The following MROH7 variants were observed in gnomAD, a reference collection of about 807,000 sequenced individuals.
MROH7 encodes the protein maestro heat like repeat family member 7.
Under a neutral mutation model 129.2 loss-of-function variants are expected in MROH7, and 113 were observed. The ratio of observed to expected loss-of-function variants is 0.87; its 90% confidence interval spans 0.75 to 1.02. MROH7 has a LOEUF of 1.02. Ranked by LOEUF, MROH7 falls within the 50% of genes least tolerant of loss-of-function variation. The pLI is 0.00. For synonymous variants in MROH7, 655 were observed against 667.9 expected (o/e 0.98, Z 0.30); for missense variants, 1,601 against 1,671.3 (o/e 0.96, Z 0.73).
chr1:54,673,319 C>T, intron 8 of MROH7, 133 bp downstream of exon 8: 1 of 678,210 alleles, frequency 1.5e-6, no homozygotes, highest in South Asian at 1.8e-5. Context: ...AGTGTTCTGC[C>T]TCCCTGTCTG....
intron 1 of MROH7, among the ~76,000 whole-genome samples, chr1:54,644,760 G>A (rs1478976472): frequency 6.7e-6 from 1 of 150,288 alleles, no homozygotes; most frequent in East Asian, 1.9e-4. Flanking sequence ...CTCCCAAAGT[G>A]CTGGGCTTAT....
chr1:54,643,365 G>A (rs150631368), intron 1 of MROH7, among the ~76,000 whole-genome samples: 1 of 152,316 alleles, frequency 6.6e-6, no homozygotes, highest in East Asian at 1.9e-4. Context: ...CAAGGCAAGA[G>A]GGAGGCCAAA....
At chr1:54,682,580 TC>T in intron 13 of MROH7, 75 bp from the exon 14 acceptor site, 1 of 1,487,178 alleles carries the variant, frequency 6.7e-7, no homozygotes, top group Non-Finnish European at 9.1e-7. Flanking sequence ...ACCTTCCCCC[TC>T]CCAAAACCAT....
chr1:54,677,961 A>T (rs889909784), intron 10 of MROH7, among the ~76,000 whole-genome samples: 4 of 152,202 alleles, frequency 2.6e-5, no homozygotes, highest in African/African-American at 9.7e-5. Context: ...AAAAGTAGAA[A>T]AGGATTGGTA....
chr1:54,692,525 T>C lies in MROH7; in HGVS notation c.2813T>C (p.Val938Ala), dbSNP rs955429498. The change falls in exon 16 of 24, where the codon GTG becomes GCG. Residue 938 changes from valine to alanine, a missense_variant. Coordinates refer to ENST00000421030, the MANE Select transcript of MROH7 (RefSeq NM_001039464.4). ...GGTGGCTGGGAGCTCATGGAGCAGG[T>C]GGAGAGCCACCACCGCGGAGTGGCC... ...DQGGWELMEQ[V>A]ESHHRGVALL... 2 of 1,610,796 alleles carry C rather than the reference T, an allele frequency of 1.2e-6. No homozygotes were observed. The highest frequency in any genetic ancestry group is 1.7e-6 in the Non-Finnish European group (2 of 1,178,526).
At chr1:54,706,758 T>C (rs1645540948) in intron 22 of MROH7, among the ~76,000 whole-genome samples, 2 of 152,298 alleles carry the variant, frequency 1.3e-5, no homozygotes, top group African/African-American at 4.8e-5. Context: ...CTGAAGTCTT[T>C]GTGCAGGTCA....
chr1:54,661,013 T>C (rs1644724079), intron 3 of MROH7, among the ~76,000 whole-genome samples: 1 of 149,940 alleles, frequency 6.7e-6, no homozygotes, highest in Non-Finnish European at 1.5e-5. Context: ...TTTTGTGCTT[T>C]TTTTTTTTTT....
intron 15 of MROH7, among the ~76,000 whole-genome samples, chr1:54,688,138 T>C (rs1056187561): frequency 3.3e-5 from 5 of 150,806 alleles, no homozygotes; most frequent in African/African-American, 1.2e-4. Context: ...GAGAATTGCT[T>C]GAACCTGGGA....
intron 3 of MROH7, among the ~76,000 whole-genome samples, chr1:54,657,106 G>A (rs913080177): frequency 3.4e-5 from 5 of 146,968 alleles, no homozygotes; most frequent in African/African-American, 1.0e-4. Context: ...GGAGTACAGT[G>A]TCATGATCTT....
At position 54,652,969 on chromosome 1, in the gene MROH7, C is replaced by T. The variant is rs771543965; in HGVS notation, c.43C>T (p.Pro15Ser). 1.9e-6 allele frequency: 3 copies of T among 1,612,258 alleles called. No homozygotes were observed. In the East Asian group the frequency reaches 6.7e-5, roughly 36 times the overall value. ...GGCTAACCTGGTCTTCCATGAAGACCCAAAGATGACACCAAGTCCCCCCTC... is the reference window on the plus strand; with the variant it reads ...GGCTAACCTGGTCTTCCATGAAGACTCAAAGATGACACCAAGTCCCCCCTC... ...PGANLVFHEDPKMTPSPPSCG... is the reference protein window; with the variant it reads ...PGANLVFHEDSKMTPSPPSCG... Residue 15 changes from proline to serine, a missense_variant, in exon 3 of 24, where the codon CCA (proline) becomes TCA (serine). Coordinates refer to ENST00000421030, the MANE Select transcript of MROH7 (RefSeq NM_001039464.4).
intron 14 of MROH7, 41 bp downstream of exon 14, chr1:54,682,835 G>A (rs1249223444): frequency 4.4e-6 from 7 of 1,592,820 alleles, no homozygotes; most frequent in Non-Finnish European, 6.0e-6. Context: ...TGCCTGTCCT[G>A]CCCTTCCTCT....
Position 54,710,037 on chromosome 1 carries a change from C to T in MROH7, c.3822C>T (p.Asn1274=). ...ACATCCTGGCCAGCTGCTGGCAGAA[C>T]TCCTGGCTGCCGCACGGGAACTCAT... ...QDHILASCWQ[N]SWLPHGNSWV... Residue 1274 remains asparagine (N), a synonymous_variant, in exon 24 of 24, where the codon AAC becomes AAT. Transcript: ENST00000421030. 1 of 1,614,172 alleles carries T rather than the reference C, an allele frequency of 6.2e-7. No homozygotes were observed. Among genetic ancestry groups the T allele is most frequent in the South Asian group, 1.1e-5 (1 of 91,086 alleles).
At position 54,692,496 on chromosome 1, in the gene MROH7, C is replaced by G. The variant is rs778345436; in HGVS notation, c.2784C>G (p.Asp928Glu). The change falls in exon 16 of 24, where the codon GAC becomes GAG. Residue 928 changes from aspartate (D) to glutamate (E), a missense_variant. Transcript: ENST00000421030. ...GCSYETTFLE[D>E]QGGWELMEQV... is the part of the protein sequence containing the mutation. ...CTTATGAGACCACGTTTCTGGAGGACCAGGGTGGCTGGGAGCTCATGGAGC... is the reference window on the plus strand; with the variant it reads ...CTTATGAGACCACGTTTCTGGAGGAGCAGGGTGGCTGGGAGCTCATGGAGC... 6 of 1,613,922 alleles carry G rather than the reference C, an allele frequency of 3.7e-6. No individual in the cohort carries two copies. In the South Asian group the frequency reaches 6.6e-5, roughly 18 times the overall value.
chr1:54,680,800 C>A lies in MROH7; in HGVS notation c.2381+755C>A, dbSNP rs141418082. Reference sequence around the variant, plus strand: ...TTGAGAGCCAAAGAACTGTGCAGAGCTGTGCAAATGGGGTGTGCTCCAATA... The same window carrying A: ...TTGAGAGCCAAAGAACTGTGCAGAGATGTGCAAATGGGGTGTGCTCCAATA... On this transcript the variant is annotated intron_variant, in intron 13 of 23. Coordinates refer to ENST00000421030, the MANE Select transcript of MROH7 (RefSeq NM_001039464.4). Among the ~76,000 whole-genome samples, 10 of 152,326 alleles carry A rather than the reference C, an allele frequency of 6.6e-5. No homozygotes were observed. The East Asian group carries it at 1.2e-3, about 18-fold the overall frequency.
chr1:54,647,503 GC>G (rs1304318930), intron 1 of MROH7, among the ~76,000 whole-genome samples: 2 of 152,124 alleles, frequency 1.3e-5, no homozygotes, highest in Admixed American at 6.5e-5. Context: ...ACCTTCGCAG[GC>G]CAAGGTGGGT....
intron 3 of MROH7, among the ~76,000 whole-genome samples, chr1:54,661,571 ATAT>A (rs972431442): frequency 4.6e-5 from 6 of 131,152 alleles, no homozygotes; most frequent in African/African-American, 1.6e-4. Context: ...GTACTTAAAA[ATAT>A]TATTTGTTTG....
At chr1:54,682,313 C>A (rs1314084080) in intron 13 of MROH7, among the ~76,000 whole-genome samples, 1 of 151,940 alleles carries the variant, frequency 6.6e-6, no homozygotes, top group Non-Finnish European at 1.5e-5. Flanking sequence ...TACAGGCATG[C>A]ACCACCATGC....
chr1:54,705,982 C>T (rs1244537455), intron 21 of MROH7, among the ~76,000 whole-genome samples: 1 of 152,176 alleles, frequency 6.6e-6, no homozygotes, highest in African/African-American at 2.4e-5. Flanking sequence ...TTCTCACTGT[C>T]CTATTAAGAG....
At chr1:54,657,002 C>A (rs952372317) in intron 3 of MROH7, among the ~76,000 whole-genome samples, 1 of 150,428 alleles carries the variant, frequency 6.6e-6, no homozygotes, top group Non-Finnish European at 1.5e-5. Context: ...GCTTGAGCAA[C>A]ATAGCAAGAC....
Sources: allele counts gnomAD v4.1 joint callset (sites outside exome capture counted in the v4.1 genomes callset), GRCh38; gene constraint gnomAD v4.1.1; transcripts MANE v1.5; gene names NCBI Gene and HGNC (gene_info 2026-07-23, HGNC 2026-07-21).